The following MTCL1 variants were observed in gnomAD, a reference collection of about 807,000 sequenced individuals.
The protein encoded by MTCL1 is microtubule crosslinking factor 1.
Under a neutral mutation model 141.4 loss-of-function variants are expected in MTCL1, and 79 were observed. The observed-to-expected ratio is 0.56, with a 90% confidence interval of 0.47 to 0.67. MTCL1 has a LOEUF of 0.67. Among genes scored for constraint, MTCL1 ranks in the 30% least tolerant of loss-of-function variants. The pLI, the probability that MTCL1 is intolerant of heterozygous loss-of-function variation, is 0.00. For synonymous variants in MTCL1, 914 were observed against 875.8 expected, an observed-to-expected ratio of 1.04 and a Z score of -0.77; for missense variants, 2,177 against 2,113.9, an observed-to-expected ratio of 1.03 and a Z score of -0.59.
intron 12 of MTCL1, among the ~76,000 whole-genome samples, chr18:8,813,648 G>T (rs1005326880): frequency 2.6e-5 from 4 of 152,228 alleles, no homozygotes; most frequent in Admixed American, 1.3e-4. Context: ...CAACTTGAAT[G>T]GAATTGTTGT....
chr18:8,774,719 C>T (rs2096498598), intron 4 of MTCL1, among the ~76,000 whole-genome samples: 1 of 152,226 alleles, frequency 6.6e-6, no homozygotes, highest in East Asian at 1.9e-4. Context: ...AACTCCTGAC[C>T]TCAAGTAATC....
chr18:8,713,265 A>G (rs919581787), upstream of MTCL1, among the ~76,000 whole-genome samples: 2 of 152,258 alleles, frequency 1.3e-5, no homozygotes, highest in African/African-American at 4.8e-5. Context: ...TAGCTTTTCA[A>G]TGAGATAATG....
At chr18:8,741,607 A>G (rs893103717) in intron 4 of MTCL1, among the ~76,000 whole-genome samples, 5 of 152,358 alleles carry the variant, frequency 3.3e-5, no homozygotes, top group Middle Eastern at 6.8e-3. Context: ...GCACCAACTC[A>G]TGCACACCCA....
At position 8,707,700 on chromosome 18, in the gene MTCL1, AG is replaced by A. The variant is rs2096065671; in HGVS notation, c.1053+991del. On this transcript the variant is annotated intron_variant, in intron 1 of 13. Transcript: ENST00000306329. ...TCTTAATGAGCAGCCAACCAAACCC[AG>A]GGGTGTGGCCCTGCTTCTTCAGTGG... The A allele has an allele frequency of 1.3e-5, 2 of 152,352 alleles. 1 individual carries two copies. Among genetic ancestry groups the A allele is most frequent in the South Asian group, 4.1e-4 (2 of 4,830 alleles). 9.4% of individuals were successfully genotyped at this position (152,352 alleles called of 1,614,324 possible).
In MTCL1 at chr18:8,828,361, G is replaced by A. The variant is rs1407445747; in HGVS notation, c.4723-547G>A. Reference sequence around the variant, plus strand: ...CTCTTGACACCATGGCACTAGTTCAGCAGTGCAGAGAGAAGCCGTGAGGAG... The same window carrying A: ...CTCTTGACACCATGGCACTAGTTCAACAGTGCAGAGAGAAGCCGTGAGGAG... On this transcript the variant is annotated intron_variant, in intron 15 of 16. Coordinates refer to ENST00000359865, the Ensembl canonical transcript of MTCL1. This position sits in a 1 kb window ranked among gnomAD's most constrained non-coding sequence, Gnocchi z 5.2. Among the ~76,000 whole-genome samples the A allele has an allele frequency of 6.6e-6, 1 of 152,152 alleles. No homozygotes were observed. Among genetic ancestry groups the A allele is most frequent in the Admixed American group, 6.5e-5 (1 of 15,278 alleles).
rs573746029 is a variant in MTCL1, at chr18:8,806,741, G to A, written c.2437-152G>A. On this transcript the variant is annotated intron_variant, in intron 10 of 16. Transcript: ENST00000359865. ...ACAGGGACCCTTTCTTTGCTCCCCG[G>A]CTAACTGCAGACTCCCCACCCACCC... 4.2e-6 allele frequency: 3 copies of A among 713,780 alleles called. No homozygotes were observed. The South Asian group carries it at 6.1e-5, about 15-fold the overall frequency. The allele number at this position is 713,780 out of a possible 1,614,324, so 44.2% of individuals were successfully genotyped here. A position where few individuals can be genotyped will look rare whatever the true frequency, so the allele number is the denominator to read the frequency against.
intron 4 of MTCL1, among the ~76,000 whole-genome samples, chr18:8,753,911 C>T (rs374177736): frequency 1.3e-5 from 2 of 152,110 alleles, no homozygotes; most frequent in Non-Finnish European, 2.9e-5. Flanking sequence ...AGGACTGTTA[C>T]AATTTGTGAC....
At chr18:8,758,469 C>T (rs2096413897) in intron 4 of MTCL1, among the ~76,000 whole-genome samples, 1 of 152,180 alleles carries the variant, frequency 6.6e-6, no homozygotes, top group Non-Finnish European at 1.5e-5. Context: ...CAGTGTCCTT[C>T]ACCTGGGGTT....
chr18:8,756,931 G>T (rs16954099), intron 4 of MTCL1, among the ~76,000 whole-genome samples: 11,627 of 152,206 alleles, frequency 0.076, 1,487 homozygotes, highest in African/African-American at 0.26. Context: ...CCTGGTGGAT[G>T]TGACACTTGC....
chr18:8,758,564 G>A (rs1395649174), intron 4 of MTCL1, among the ~76,000 whole-genome samples: 2 of 152,200 alleles, frequency 1.3e-5, no homozygotes, highest in Non-Finnish European at 2.9e-5. Flanking sequence ...TAAGCATAGT[G>A]CTTCTGCTTT....
In MTCL1 at chr18:8,784,429, A is replaced by G. The variant is rs778164442; in HGVS notation, c.1317A>G (p.Pro439=). The change falls in exon 6 of 17, where the codon CCA becomes CCG. Residue 439 remains proline (P), a synonymous_variant. Coordinates refer to ENST00000359865, the Ensembl canonical transcript of MTCL1. ...GGAAGCCATCGGAGGCCAGCGAGCCATGCCCCACGGAGCTCCTGAAGGCCC... is the reference window on the plus strand; with the variant it reads ...GGAAGCCATCGGAGGCCAGCGAGCCGTGCCCCACGGAGCTCCTGAAGGCCC... The G allele has an allele frequency of 5.9e-6, 9 of 1,529,626 alleles. No individual in the cohort carries two copies. The Admixed American group carries it at 6.3e-5, about 11-fold the overall frequency. 94.8% of individuals were successfully genotyped at this position (1,529,626 alleles called of 1,614,324 possible).
chr18:8,714,729 C>CTA (rs1223271103), upstream of MTCL1, among the ~76,000 whole-genome samples: 1 of 152,144 alleles, frequency 6.6e-6, no homozygotes, highest in African/African-American at 2.4e-5. Flanking sequence ...ATTATGGGAG[C>CTA]TACAGTTCAA....
intron 1 of MTCL1, among the ~76,000 whole-genome samples, chr18:8,708,528 G>T (rs2096069952): frequency 6.6e-6 from 1 of 152,192 alleles, no homozygotes; most frequent in Non-Finnish European, 1.5e-5. Context: ...ACTTGGCCAA[G>T]GTCATAGAGT....
chr18:8,828,054 G>A lies in MTCL1; in HGVS notation c.4723-854G>A, dbSNP rs898966071. On this transcript the variant is annotated intron_variant, in intron 15 of 16. Transcript: ENST00000359865. The surrounding 1 kb of genome is among the most constrained non-coding windows in gnomAD (Gnocchi z 5.2). ...CGGGCTCTTTTTTCCATTTCTGTTG[G>A]AATTTTCCTCGTTCTAGATTCCAGT... 1.3e-5 allele frequency among the ~76,000 whole-genome samples: 2 copies of A among 152,250 alleles called. No individual in the cohort carries two copies. The highest frequency in any genetic ancestry group is 1.5e-5 in the Non-Finnish European group (1 of 68,024).
intron 10 of MTCL1, among the ~76,000 whole-genome samples, chr18:8,803,412 T>C (rs1407247980): frequency 1.3e-5 from 2 of 152,192 alleles, no homozygotes; most frequent in South Asian, 2.1e-4. Flanking sequence ...TGGCAAATAA[T>C]TTAGTACATC....
chr18:8,733,919 A>G (rs565778607), intron 4 of MTCL1, among the ~76,000 whole-genome samples: 5 of 152,150 alleles, frequency 3.3e-5, no homozygotes, highest in Admixed American at 2.0e-4. Flanking sequence ...GGGTTTGGAT[A>G]TGTCGTTTTT....
intron 16 of MTCL1, chr18:8,829,096 G>A (rs1198686445): frequency 6.5e-7 from 1 of 1,535,868 alleles, no homozygotes. Context: ...CAAGTTCCAG[G>A]AGGTTCGCCT....
At chr18:8,740,381 T>C (rs1398019966) in intron 4 of MTCL1, among the ~76,000 whole-genome samples, 3 of 152,218 alleles carry the variant, frequency 2.0e-5, no homozygotes, top group Non-Finnish European at 4.4e-5. Context: ...TTTATTTGTA[T>C]GTTACAGCCC....
intron 5 of MTCL1, among the ~76,000 whole-genome samples, chr18:8,778,361 A>G (rs1231654295): frequency 2.0e-5 from 3 of 152,218 alleles, no homozygotes; most frequent in African/African-American, 7.2e-5. Context: ...CCTTTTCTAG[A>G]TGCACAGTAT....
Sources: gnomAD v4.1 joint callset for allele counts (sites outside exome capture counted in the v4.1 genomes callset) on GRCh38, gnomAD v4.1.1 for gene constraint, Gnocchi (gnomAD v3.1) non-coding constraint, MANE v1.5 for transcripts, NCBI Gene and HGNC (gene_info 2026-07-23, HGNC 2026-07-21) for gene names.